SOX5: variants seen among roughly 807,000 people sequenced by gnomAD.
SOX5 encodes the protein SRY-box transcription factor 5.
A neutral mutation model predicts 92.0 loss-of-function variants in SOX5; 9 were observed. That is an observed-to-expected ratio of 0.10 (90% CI 0.06 to 0.17). The LOEUF is 0.17. SOX5 is among the 10% of genes least tolerant of loss of function. SOX5 has a pLI of 1.00. For missense variants in SOX5, 642 were observed against 944.5 expected, an observed-to-expected ratio of 0.68 and a Z score of 4.20; for synonymous variants, 344 against 336.3, an observed-to-expected ratio of 1.02 and a Z score of -0.25.
chr12:23,984,817 C>T (rs1038893230), intron 4 of SOX5, among the ~76,000 whole-genome samples: 12 of 152,056 alleles, frequency 7.9e-5, no homozygotes, highest in African/African-American at 2.7e-4. Flanking sequence ...TAATATGTTG[C>T]TAAGCTAAAT....
At position 23,532,052 on chromosome 12, in the gene SOX5, A is replaced by T. The variant is rs578062276; in HGVS notation, c.*2167T>A. The T allele has an allele frequency of 1.3e-5, 2 of 151,204 alleles. No individual in the cohort carries two copies. Among genetic ancestry groups the T allele is most frequent in the East Asian group, 3.9e-4 (2 of 5,162 alleles). 9.4% of individuals were successfully genotyped at this position (151,204 alleles called of 1,614,324 possible). A position where few individuals can be genotyped will look rare whatever the true frequency, so the allele number is the denominator to read the frequency against. On this transcript the variant is annotated 3_prime_UTR_variant, in exon 15 of 15. Coordinates refer to ENST00000451604, the MANE Select transcript of SOX5 (RefSeq NM_006940.6). ...CAGAATAAAATAGAAAGGGAGAAAT[A>T]AAATAAATTATACATAACTTACTAA...
chr12:23,853,411 T>G (rs2096654342), intron 2 of SOX5, among the ~76,000 whole-genome samples: 1 of 151,918 alleles, frequency 6.6e-6, no homozygotes, highest in Non-Finnish European at 1.5e-5. Context: ...TCTAATTTAA[T>G]GATGGTGAAT....
intron 4 of SOX5, among the ~76,000 whole-genome samples, chr12:24,029,797 A>T (rs1348694184): frequency 6.6e-6 from 1 of 152,082 alleles, no homozygotes; most frequent in Non-Finnish European, 1.5e-5. Context: ...ACTAGTTTGA[A>T]AATGAAATTA....
intron 1 of SOX5, among the ~76,000 whole-genome samples, chr12:24,426,794 G>C (rs1451073686): frequency 6.6e-6 from 1 of 152,016 alleles, no homozygotes; most frequent in Non-Finnish European, 1.5e-5. Flanking sequence ...TAAGTCTCGG[G>C]GAATCTTCTC....
chr12:24,010,944 A>T (rs1209706056), intron 4 of SOX5, among the ~76,000 whole-genome samples: 2 of 152,186 alleles, frequency 1.3e-5, no homozygotes, highest in Non-Finnish European at 2.9e-5. Context: ...ATTTCCAAAA[A>T]AAAAAAAAGA....
At chr12:23,754,413 C>T (rs1190259568) in intron 4 of SOX5, among the ~76,000 whole-genome samples, 2 of 151,920 alleles carry the variant, frequency 1.3e-5, no homozygotes, top group Middle Eastern at 6.8e-3. Flanking sequence ...ATGAAAACTT[C>T]TCAGTTCTCC....
In SOX5 at chr12:24,143,209, C is replaced by T. The variant is rs116708529; in HGVS notation, c.-2+70134G>A. Among the ~76,000 whole-genome samples, 699 of 152,262 alleles carry T rather than the reference C, an allele frequency of 4.6e-3. 3 individuals are homozygous for T. Among genetic ancestry groups the T allele is most frequent in the African/African-American group, 0.015 (641 of 41,552 alleles). ...AAGGGATTGATCTGCTTCCAAGACACGTCACTGAGTCCAGGAACAAAGCTC... is the reference window on the plus strand; with the variant it reads ...AAGGGATTGATCTGCTTCCAAGACATGTCACTGAGTCCAGGAACAAAGCTC... On this transcript the variant is annotated intron_variant, in intron 4 of 4. Transcript: ENST00000446891.
chr12:23,859,887 A>G (rs986129576), intron 2 of SOX5, among the ~76,000 whole-genome samples: 1 of 152,202 alleles, frequency 6.6e-6, no homozygotes, highest in African/African-American at 2.4e-5. Context: ...TAGAAAAGAC[A>G]TGGAATTAAC....
At chr12:23,962,273 T>C (rs1190218313) in intron 4 of SOX5, among the ~76,000 whole-genome samples, 1 of 842 alleles carries the variant, frequency 1.2e-3, no homozygotes, top group East Asian at 0.083. Context: ...AGATAGTCAG[T>C]GGTGACAGAC....
intron 4 of SOX5, among the ~76,000 whole-genome samples, chr12:24,077,508 C>G (rs983062002): frequency 2.0e-5 from 3 of 151,878 alleles, no homozygotes; most frequent in African/African-American, 7.3e-5. Context: ...CAACAGTTAA[C>G]TGTTGGAGAG....
intron 2 of SOX5, among the ~76,000 whole-genome samples, chr12:24,303,626 A>G (rs1227380041): frequency 6.6e-6 from 1 of 152,236 alleles, no homozygotes; most frequent in Non-Finnish European, 1.5e-5. Context: ...AAGAAAGTAT[A>G]AAAGATGTCT....
chr12:23,686,068 T>A (rs893737399), intron 6 of SOX5, among the ~76,000 whole-genome samples: 2 of 152,190 alleles, frequency 1.3e-5, no homozygotes, highest in African/African-American at 4.8e-5. Context: ...GTCCCTGGTA[T>A]AATTTCTAAT....
chr12:23,601,456 C>T (rs2074483434), intron 9 of SOX5, among the ~76,000 whole-genome samples: 1 of 151,998 alleles, frequency 6.6e-6, no homozygotes, highest in Admixed American at 6.6e-5. Flanking sequence ...TAACTTAAAC[C>T]ATCAATTTGG....
intron 4 of SOX5, among the ~76,000 whole-genome samples, chr12:24,054,918 TG>T (rs1163208902): frequency 1.3e-5 from 2 of 152,084 alleles, no homozygotes; most frequent in Non-Finnish European, 2.9e-5. Flanking sequence ...CTGTTATTTG[TG>T]GGGAGTGAGG....
At chr12:23,557,359 G>A (rs1945358742) in intron 11 of SOX5, among the ~76,000 whole-genome samples, 1 of 152,086 alleles carries the variant, frequency 6.6e-6, no homozygotes, top group Non-Finnish European at 1.5e-5. Flanking sequence ...GCAGAAAAAG[G>A]AAGACATTTT....
intron 4 of SOX5, among the ~76,000 whole-genome samples, chr12:24,083,150 T>G (rs888177715): frequency 6.6e-6 from 1 of 152,032 alleles, no homozygotes; most frequent in African/African-American, 2.4e-5. Flanking sequence ...CGGCTGATAA[T>G]TTTTCAAGTG....
chr12:24,490,257 T>A (rs775310092), intron 1 of SOX5, among the ~76,000 whole-genome samples: 5 of 152,196 alleles, frequency 3.3e-5, no homozygotes, highest in Non-Finnish European at 7.3e-5. Flanking sequence ...CAGATTCAGA[T>A]TTTAGTTTGA....
chr12:24,461,540 G>C (rs1943628864), intron 1 of SOX5, among the ~76,000 whole-genome samples: 1 of 152,136 alleles, frequency 6.6e-6, no homozygotes, highest in South Asian at 2.1e-4. Context: ...TTTCTGAATG[G>C]AGGTAAAAAC....
intron 2 of SOX5, among the ~76,000 whole-genome samples, chr12:24,351,055 C>T (rs909913453): frequency 2.6e-5 from 4 of 151,872 alleles, no homozygotes; most frequent in Admixed American, 1.3e-4. Flanking sequence ...AAGAGCGAGA[C>T]TCTATCTCAA....
Sources: allele counts gnomAD v4.1 joint callset (sites outside exome capture counted in the v4.1 genomes callset), GRCh38; gene constraint gnomAD v4.1.1; transcripts MANE v1.5; gene names NCBI Gene and HGNC (gene_info 2026-07-23, HGNC 2026-07-21).